CADM2: variants seen among roughly 807,000 people sequenced by gnomAD.
The protein encoded by CADM2 is immunoglobulin superfamily member 4D.
A neutral mutation model predicts 49.8 loss-of-function variants in CADM2; 12 were observed. The ratio of observed to expected loss-of-function variants is 0.24; its 90% confidence interval spans 0.15 to 0.39. The LOEUF (loss-of-function observed/expected upper bound fraction) is 0.39, where lower values mean the gene tolerates loss of function less well. Ranked by LOEUF, CADM2 falls within the 10% of genes least tolerant of loss-of-function variation. The pLI is 1.00. For synonymous variants in CADM2, 214 were observed against 175.4 expected (o/e 1.22, Z -1.74); for missense variants, 378 against 492.3 (o/e 0.77, Z 2.20).
intron 3 of CADM2, among the ~76,000 whole-genome samples, chr3:85,809,607 C>T (rs1317115911): frequency 1.3e-5 from 2 of 152,054 alleles, no homozygotes; most frequent in East Asian, 3.9e-4. Flanking sequence ...TTTCTTACGA[C>T]AAGTCTAATT....
chr3:85,942,295 C>T (rs1722018782), intron 7 of CADM2, among the ~76,000 whole-genome samples: 1 of 149,166 alleles, frequency 6.7e-6, no homozygotes, highest in Non-Finnish European at 1.5e-5. Flanking sequence ...ACAACTGGTA[C>T]CAGCCACTGC....
intron 1 of CADM2, among the ~76,000 whole-genome samples, chr3:85,070,658 C>T (rs972115291): frequency 6.6e-6 from 1 of 151,990 alleles, no homozygotes; most frequent in Admixed American, 6.6e-5. Flanking sequence ...ATGGTAAATT[C>T]GTAAGACTAA....
intron 1 of CADM2, among the ~76,000 whole-genome samples, chr3:85,575,044 ATAGT>A (rs2062592054): frequency 6.6e-6 from 1 of 152,122 alleles, no homozygotes. Flanking sequence ...TAGGCATGTA[ATAGT>A]TAGTGGCCCC....
At chr3:85,077,663 C>T (rs2036999681) in intron 1 of CADM2, among the ~76,000 whole-genome samples, 1 of 151,962 alleles carries the variant, frequency 6.6e-6, no homozygotes, top group Non-Finnish European at 1.5e-5. Flanking sequence ...TTATAAACTG[C>T]ATGTTTTTAC....
At chr3:85,749,007 G>C (rs534672715) in intron 2 of CADM2, among the ~76,000 whole-genome samples, 2 of 151,978 alleles carry the variant, frequency 1.3e-5, no homozygotes, top group Non-Finnish European at 2.9e-5. Context: ...GCTTTTCAGA[G>C]TATAGCTTCA....
intron 1 of CADM2, among the ~76,000 whole-genome samples, chr3:85,324,483 A>G (rs1349459864): frequency 2.0e-5 from 3 of 152,166 alleles, no homozygotes; most frequent in Non-Finnish European, 4.4e-5. Context: ...TCACCAAAAT[A>G]GTAGTCTTTT....
intron 1 of CADM2, among the ~76,000 whole-genome samples, chr3:84,976,839 T>A (rs12714616): frequency 6.6e-6 from 1 of 151,776 alleles, no homozygotes; most frequent in Non-Finnish European, 1.5e-5. Flanking sequence ...TCATCTTATC[T>A]TTTCAAATGC....
chr3:85,344,502 A>G (rs1192988662), intron 1 of CADM2, among the ~76,000 whole-genome samples: 1 of 151,966 alleles, frequency 6.6e-6, no homozygotes, highest in Admixed American at 6.6e-5. Context: ...GGGTGTTTGT[A>G]GTAGAGATGG....
At chr3:85,582,501 C>T (rs1486915189) in intron 1 of CADM2, among the ~76,000 whole-genome samples, 1 of 152,128 alleles carries the variant, frequency 6.6e-6, no homozygotes, top group African/African-American at 2.4e-5. Flanking sequence ...ATGCCTTCAA[C>T]AACAGATATT....
chr3:85,004,315 A>T (rs975283439), intron 1 of CADM2, among the ~76,000 whole-genome samples: 1 of 152,118 alleles, frequency 6.6e-6, no homozygotes, highest in East Asian at 1.9e-4. Context: ...ATTATTTTCC[A>T]CTATTCTCTT....
chr3:85,034,837 C>A (rs2035144531), intron 1 of CADM2, among the ~76,000 whole-genome samples: 1 of 137,786 alleles, frequency 7.3e-6, no homozygotes, highest in Non-Finnish European at 1.5e-5. Context: ...AGAGGCTTGC[C>A]CTGTCACCCA....
intron 1 of CADM2, among the ~76,000 whole-genome samples, chr3:85,641,127 T>C (rs531463303): frequency 1.7e-4 from 26 of 152,336 alleles, no homozygotes; most frequent in African/African-American, 4.8e-4. Flanking sequence ...AAACATGTTA[T>C]TGTTTTAATG....
At chr3:85,118,499 C>A (rs1341518227) in intron 1 of CADM2, among the ~76,000 whole-genome samples, 1 of 152,114 alleles carries the variant, frequency 6.6e-6, no homozygotes, top group East Asian at 1.9e-4. Flanking sequence ...AAAGAGAGAG[C>A]CTGTGCAGGG....
rs141650919 is a variant in CADM2, at chr3:85,047,055, A to G, written c.61+87387A>G. On this transcript the variant is annotated intron_variant, in intron 1 of 9. Transcript: ENST00000383699. Reference sequence around the variant, plus strand: ...AACCCATTAAATCAAGGTATGTAATAAGCAATATGATAAGTGACTTTGAAA... The same window carrying G: ...AACCCATTAAATCAAGGTATGTAATGAGCAATATGATAAGTGACTTTGAAA... Among the ~76,000 whole-genome samples, 16 of 152,316 alleles carry G rather than the reference A, an allele frequency of 1.1e-4. No homozygotes were observed. The East Asian group carries it at 2.9e-3, about 28-fold the overall frequency.
At chr3:85,576,278 A>G (rs765333143) in intron 1 of CADM2, among the ~76,000 whole-genome samples, 2 of 152,190 alleles carry the variant, frequency 1.3e-5, no homozygotes, top group Non-Finnish European at 2.9e-5. Context: ...GCTGCCATCT[A>G]GTGGCAGTAC....
rs560339880 is a variant in CADM2 at position 85,131,473 on chromosome 3, A to T, written c.61+171805A>T. Among the ~76,000 whole-genome samples the T allele has an allele frequency of 1.3e-3, 198 of 152,300 alleles. 1 individual carries two copies. Among genetic ancestry groups the T allele is most frequent in the African/African-American group, 4.4e-3 (181 of 41,576 alleles). On this transcript the variant is annotated intron_variant, in intron 1 of 9. Coordinates refer to ENST00000383699, the MANE Select transcript of CADM2 (RefSeq NM_001167675.2). The stretch of plus-strand genomic sequence containing the variant: ...AACATAATAAACCTCATTGACTTAC[A>T]TAATAATTTCTAGTGTGAGAATACC...
In CADM2 at chr3:85,760,706, C is replaced by A. The variant is rs141625174; in HGVS notation, c.88+34158C>A. Among the ~76,000 whole-genome samples the A allele has an allele frequency of 3.7e-3, 561 of 152,068 alleles. 2 individuals are homozygous for A. The highest frequency in any genetic ancestry group is 0.013 in the African/African-American group (538 of 41,494). ...TGGTTCATAATGGAGTTATTTTGAT[C>A]CCTTTTTAGTTGTTTGAGAATATCT... is the stretch of plus-strand genomic sequence containing the variant. On this transcript the variant is annotated intron_variant, in intron 2 of 9. Coordinates refer to ENST00000383699, the MANE Select transcript of CADM2 (RefSeq NM_001167675.2).
At chr3:85,574,827 G>T (rs1299807616) in intron 1 of CADM2, among the ~76,000 whole-genome samples, 2 of 151,998 alleles carry the variant, frequency 1.3e-5, no homozygotes, top group Admixed American at 1.3e-4. Flanking sequence ...CAGTCTAGGG[G>T]GTTCTCATAA....
intron 1 of CADM2, among the ~76,000 whole-genome samples, chr3:85,148,493 C>T (rs1388248977): frequency 6.6e-6 from 1 of 152,094 alleles, no homozygotes; most frequent in Non-Finnish European, 1.5e-5. Context: ...TTTAAAATAT[C>T]TTTTAGTTTT....
Sources: gnomAD v4.1 joint callset for allele counts (sites outside exome capture counted in the v4.1 genomes callset) on GRCh38, gnomAD v4.1.1 for gene constraint, MANE v1.5 for transcripts, NCBI Gene and HGNC (gene_info 2026-07-23, HGNC 2026-07-21) for gene names.